The following RAD54B variants were observed in gnomAD, a reference collection of about 807,000 sequenced individuals.
The protein encoded by RAD54B is DNA repair and recombination protein RAD54B.
In RAD54B, 78 loss-of-function variants were observed where a neutral mutation model predicts 95.8. The observed-to-expected ratio is 0.81, with a 90% CI of 0.68 to 0.98. The LOEUF is 0.98. Ranked by LOEUF, RAD54B falls within the 50% of genes least tolerant of loss-of-function variation. The probability of loss-of-function intolerance (pLI) is 0.00; values close to 1 mark genes in which losing one functional copy is unlikely to be tolerated. For missense variants in RAD54B, 957 were observed against 1,056.6 expected (o/e 0.91, Z 1.31); for synonymous variants, 328 against 354.9 (o/e 0.92, Z 0.85).
At chr8:94,373,758 T>C (rs182653743) in intron 14 of RAD54B, among the ~76,000 whole-genome samples, 60 of 152,304 alleles carry the variant, frequency 3.9e-4, no homozygotes, top group Non-Finnish European at 7.4e-4. Context: ...CTAAGAGCAA[T>C]AGGAAGCTAT....
Position 94,372,007 on chromosome 8 carries a change from T to A in RAD54B, c.*163A>T, listed in dbSNP as rs1810451494. On this transcript the variant is annotated 3_prime_UTR_variant, in exon 15 of 15. Coordinates refer to ENST00000336148, the MANE Select transcript of RAD54B (RefSeq NM_012415.3). ...TATTTTTCATTTAAACACTTAATAT[T>A]TACAAAACATTAAACCACTCAATTT... 8.3e-7 allele frequency: 1 copy of A among 1,207,228 alleles called. No individual in the cohort carries two copies. Among genetic ancestry groups the A allele is most frequent in the Admixed American group, 3.6e-5 (1 of 28,148 alleles). The allele number at this position is 1,207,228 out of a possible 1,614,324, so 74.8% of individuals were successfully genotyped here. A position where few individuals can be genotyped will look rare whatever the true frequency, so the allele number is the denominator to read the frequency against.
chr8:94,444,797 G>C, intron 3 of RAD54B, among the ~76,000 whole-genome samples: 1 of 152,098 alleles, frequency 6.6e-6, no homozygotes, highest in Admixed American at 6.5e-5. Flanking sequence ...GTTTACAATT[G>C]TAAATTCTTC....
intron 14 of RAD54B, among the ~76,000 whole-genome samples, 153 bp from the exon 15 acceptor site, chr8:94,372,540 T>G (rs1810466866): frequency 6.6e-6 from 1 of 152,204 alleles, no homozygotes; most frequent in African/African-American, 2.4e-5. Flanking sequence ...TTACAAACAT[T>G]TATAAGTTAT....
At chr8:94,392,123 A>T (rs959364675) in intron 9 of RAD54B, among the ~76,000 whole-genome samples, 4 of 152,238 alleles carry the variant, frequency 2.6e-5, no homozygotes, top group African/African-American at 9.6e-5. Flanking sequence ...ATAACAAAAT[A>T]ATGATATATC....
At chr8:94,403,116 G>A (rs2130016390) in intron 6 of RAD54B, among the ~76,000 whole-genome samples, 1 of 152,236 alleles carries the variant, frequency 6.6e-6, no homozygotes, top group Non-Finnish European at 1.5e-5. Flanking sequence ...TAGAGTTGGG[G>A]AGAATTTCAT....
At chr8:94,458,021 T>C (rs920618199) in intron 3 of RAD54B, among the ~76,000 whole-genome samples, 10 of 152,188 alleles carry the variant, frequency 6.6e-5, no homozygotes, top group African/African-American at 2.4e-4. Flanking sequence ...GAGGAAAAGA[T>C]CACATTTGAC....
intron 10 of RAD54B, 86 bp from the exon 11 acceptor site, chr8:94,387,245 G>GGT: frequency 8.9e-7 from 1 of 1,128,018 alleles, no homozygotes; most frequent in South Asian, 1.7e-5. Flanking sequence ...GAAGGAAAAA[G>GGT]GTGAAGATTA....
At chr8:94,415,826 T>G (rs1380482890) in intron 3 of RAD54B, among the ~76,000 whole-genome samples, 2 of 150,168 alleles carry the variant, frequency 1.3e-5, no homozygotes, top group Admixed American at 6.7e-5. Flanking sequence ...AGATACCATC[T>G]CACACCAGTT....
chr8:94,411,389 C>A, intron 3 of RAD54B, 74 bp from the exon 4 acceptor site: 5 of 1,129,080 alleles, frequency 4.4e-6, no homozygotes, highest in East Asian at 2.6e-5. Flanking sequence ...TCAAACAAAA[C>A]CAAAAGGCAC....
chr8:94,432,377 C>A (rs1409371345), intron 3 of RAD54B: 1 of 1,550,194 alleles, frequency 6.5e-7, no homozygotes, highest in Non-Finnish European at 8.7e-7. Flanking sequence ...CACTCTCATG[C>A]CGAAAAAAAT....
chr8:94,402,670 A>G (rs1811291826), intron 6 of RAD54B, among the ~76,000 whole-genome samples: 1 of 152,150 alleles, frequency 6.6e-6, no homozygotes, highest in Admixed American at 6.6e-5. Flanking sequence ...ACAGTTTGGG[A>G]AACACTGTTC....
In RAD54B at chr8:94,391,794, T is replaced by C; in HGVS notation, c.1624A>G (p.Lys542Glu). Residue 542 changes from lysine (K) to glutamate (E), a missense_variant, in exon 10 of 15, where the codon AAA becomes GAA. Physicochemically the swap from Lys to Glu is moderately conservative, Grantham distance 56. Coordinates refer to ENST00000336148, the MANE Select transcript of RAD54B (RefSeq NM_012415.3). ...CGGCAAAAGACAACATTCTCTATTT[T>C]AGGTGGGAGATATTTATTTATAATT... ...QEIINKYLPPKIENVVFCRPG... is the reference protein window; with the variant it reads ...QEIINKYLPPEIENVVFCRPG... 1 of 1,614,076 alleles carries C rather than the reference T, an allele frequency of 6.2e-7. No individual in the cohort carries two copies. Among genetic ancestry groups the C allele is most frequent in the Non-Finnish European group, 8.5e-7 (1 of 1,179,976 alleles).
intron 14 of RAD54B, 125 bp downstream of exon 14, chr8:94,378,055 A>G (rs563465670): frequency 1.5e-6 from 1 of 649,000 alleles, no homozygotes; most frequent in African/African-American, 1.9e-5. Flanking sequence ...CTATGAGCTG[A>G]GAAAAAAATA....
intron 3 of RAD54B, among the ~76,000 whole-genome samples, chr8:94,454,856 T>C (rs935079645): frequency 2.6e-5 from 4 of 152,196 alleles, no homozygotes; most frequent in Non-Finnish European, 4.4e-5. Context: ...TTATAAACCC[T>C]TGAGAATATG....
At chr8:94,432,432 T>A (rs1486352323) in intron 3 of RAD54B, 4 of 1,550,460 alleles carry the variant, frequency 2.6e-6, no homozygotes, top group Non-Finnish European at 3.5e-6. Context: ...CATTCTCATA[T>A]CAACAGAGGA....
chr8:94,374,140 G>A (rs577793582), intron 14 of RAD54B, among the ~76,000 whole-genome samples: 37 of 152,224 alleles, frequency 2.4e-4, no homozygotes, highest in Admixed American at 5.9e-4. Context: ...TTAGCCAGAC[G>A]TGGTGGCAGG....
chr8:94,390,194 T>C (rs1265772547), intron 10 of RAD54B, among the ~76,000 whole-genome samples: 2 of 151,484 alleles, frequency 1.3e-5, no homozygotes, highest in Non-Finnish European at 2.9e-5. Flanking sequence ...AAAATAAATA[T>C]TTTTAAAAAA....
intron 3 of RAD54B, chr8:94,431,071 C>G (rs1047187488): frequency 1.0e-6 from 1 of 985,194 alleles, no homozygotes; most frequent in African/African-American, 1.7e-5. Flanking sequence ...CCCTTCTCAA[C>G]AAAACCCCAG....
chr8:94,377,309 G>A (rs1275773220), intron 14 of RAD54B, among the ~76,000 whole-genome samples: 1 of 151,876 alleles, frequency 6.6e-6, no homozygotes, highest in Admixed American at 6.6e-5. Flanking sequence ...GCTGAGGCGG[G>A]CAGATCGCTG....
Sources: gnomAD v4.1 joint callset for allele counts (sites outside exome capture counted in the v4.1 genomes callset) on GRCh38, gnomAD v4.1.1 for gene constraint, MANE v1.5 for transcripts, NCBI Gene and HGNC (gene_info 2026-07-23, HGNC 2026-07-21) for gene names.